ALK: variants seen among roughly 807,000 people sequenced by gnomAD.
ALK encodes the protein ALK receptor tyrosine kinase, also known as ALK tyrosine kinase receptor.
A neutral mutation model predicts 163.1 loss-of-function variants in ALK; 74 were observed. The observed-to-expected ratio is 0.45, with a 90% CI of 0.38 to 0.55. ALK has a LOEUF of 0.55. Among genes scored for constraint, ALK ranks in the 20% least tolerant of loss-of-function variants. The pLI is 0.00. For synonymous variants in ALK, 960 were observed against 843.2 expected (o/e 1.14, Z -2.40); for missense variants, 2,063 against 2,105.3 (o/e 0.98, Z 0.39).
intron 1 of ALK, among the ~76,000 whole-genome samples, chr2:29,838,795 TTC>T (rs1163355401): frequency 2.0e-5 from 3 of 152,126 alleles, no homozygotes; most frequent in Admixed American, 2.0e-4. Flanking sequence ...TGAGGAACCT[TTC>T]TGTGATGATA....
chr2:29,430,995 GC>G (rs1236930250), intron 4 of ALK, among the ~76,000 whole-genome samples: 1 of 150,116 alleles, frequency 6.7e-6, no homozygotes, highest in Admixed American at 6.6e-5. Flanking sequence ...GCAAGGCGAG[GC>G]TTTTTTTTTT....
chr2:29,299,228 C>T (rs1365374843), intron 8 of ALK, among the ~76,000 whole-genome samples: 1 of 152,240 alleles, frequency 6.6e-6, no homozygotes, highest in Non-Finnish European at 1.5e-5. Flanking sequence ...TTTCTCTCTT[C>T]CGAATTCTCT....
chr2:29,615,542 T>C (rs186173792), intron 3 of ALK, among the ~76,000 whole-genome samples: 2 of 152,360 alleles, frequency 1.3e-5, no homozygotes, highest in Admixed American at 1.3e-4. Flanking sequence ...TAGTAAGTGC[T>C]TCAATACATT....
At chr2:29,293,991 C>G (rs1364975525) in intron 9 of ALK, among the ~76,000 whole-genome samples, 1 of 152,070 alleles carries the variant, frequency 6.6e-6, no homozygotes, top group Non-Finnish European at 1.5e-5. Flanking sequence ...AAATTTCTGC[C>G]GCTTTCAAGG....
At chr2:29,494,188 C>T (rs957078205) in intron 4 of ALK, among the ~76,000 whole-genome samples, 1 of 152,134 alleles carries the variant, frequency 6.6e-6, no homozygotes, top group Non-Finnish European at 1.5e-5. Context: ...GAGCCTGTCA[C>T]CCAGAAGGTG....
chr2:29,445,648 C>T (rs1445980367), intron 4 of ALK, among the ~76,000 whole-genome samples: 2 of 152,106 alleles, frequency 1.3e-5, no homozygotes, highest in Admixed American at 6.5e-5. Context: ...TGGTGAAACT[C>T]TGTCTCTACT....
intron 3 of ALK, among the ~76,000 whole-genome samples, chr2:29,632,129 T>G (rs1676395825): frequency 6.6e-6 from 1 of 152,198 alleles, no homozygotes; most frequent in Non-Finnish European, 1.5e-5. Context: ...TCCCCCAGGA[T>G]AGGTGGTAAC....
chr2:29,883,611 T>C (rs935464850), intron 1 of ALK, among the ~76,000 whole-genome samples: 3 of 152,178 alleles, frequency 2.0e-5, no homozygotes, highest in African/African-American at 7.2e-5. Flanking sequence ...TCCCAAGAGA[T>C]GAATACAGAG....
chr2:29,231,198 C>T (rs184996218), intron 15 of ALK, among the ~76,000 whole-genome samples: 15 of 152,212 alleles, frequency 9.9e-5, no homozygotes, highest in Middle Eastern at 3.4e-3. Context: ...ATTAGCTGGG[C>T]GTGGTGGCGT....
intron 11 of ALK, among the ~76,000 whole-genome samples, chr2:29,274,359 C>T (rs76403135): frequency 2.0e-3 from 312 of 152,290 alleles, no homozygotes; most frequent in African/African-American, 7.3e-3. Context: ...GTGTGTTGTA[C>T]ACTTGTTTCT....
intron 4 of ALK, among the ~76,000 whole-genome samples, chr2:29,453,060 A>G (rs1670861989): frequency 6.6e-6 from 1 of 152,214 alleles, no homozygotes; most frequent in Non-Finnish European, 1.5e-5. Flanking sequence ...AACTGGCAAC[A>G]ATCTAATAAG....
intron 3 of ALK, among the ~76,000 whole-genome samples, chr2:29,625,703 T>C (rs1230521566): frequency 1.3e-5 from 2 of 152,232 alleles, no homozygotes; most frequent in African/African-American, 4.8e-5. Flanking sequence ...TGCAAATACG[T>C]GAATCCACTT....
chr2:29,781,817 T>C (rs1681338452), intron 1 of ALK, among the ~76,000 whole-genome samples: 1 of 152,224 alleles, frequency 6.6e-6, no homozygotes. Context: ...TGTCCTCTGC[T>C]AACCTGTCCT....
At chr2:29,354,184 G>T (rs190811201) in intron 5 of ALK, among the ~76,000 whole-genome samples, 69 of 152,272 alleles carry the variant, frequency 4.5e-4, no homozygotes, top group African/African-American at 1.6e-3. Flanking sequence ...AGGAGCACAG[G>T]ATGTTCCAGA....
At chr2:29,576,657 T>G (rs1674533325) in intron 3 of ALK, among the ~76,000 whole-genome samples, 1 of 152,166 alleles carries the variant, frequency 6.6e-6, no homozygotes, top group Non-Finnish European at 1.5e-5. Flanking sequence ...AGGTGAGTGG[T>G]GGGTGAGTGA....
intron 3 of ALK, among the ~76,000 whole-genome samples, chr2:29,649,303 C>T (rs371951170): frequency 4.0e-5 from 6 of 151,596 alleles, no homozygotes; most frequent in East Asian, 3.9e-4. Context: ...TCCTGCTCCC[C>T]GTATTGACTC....
At chr2:29,548,859 A>G (rs897459573) in intron 3 of ALK, among the ~76,000 whole-genome samples, 57 of 152,132 alleles carry the variant, frequency 3.7e-4, no homozygotes, top group Non-Finnish European at 6.0e-4. Flanking sequence ...GAACATTATG[A>G]CGAGTGGCTA....
intron 3 of ALK, among the ~76,000 whole-genome samples, chr2:29,571,032 G>A (rs1041081532): frequency 6.6e-6 from 1 of 152,146 alleles, no homozygotes; most frequent in East Asian, 1.9e-4. Context: ...AGTTGGAGGA[G>A]AGAAAAATAG....
At chr2:29,808,005 A>C (rs1480678802) in intron 1 of ALK, among the ~76,000 whole-genome samples, 1 of 152,228 alleles carries the variant, frequency 6.6e-6, no homozygotes, top group Non-Finnish European at 1.5e-5. Flanking sequence ...CTTCAGGCTT[A>C]GAGACTTTGA....
Sources: allele counts gnomAD v4.1 joint callset (sites outside exome capture counted in the v4.1 genomes callset), GRCh38; gene constraint gnomAD v4.1.1; transcripts MANE v1.5; gene names NCBI Gene and HGNC (gene_info 2026-07-23, HGNC 2026-07-21).